Variants in KANSL1 observed in about 807,000 individuals in gnomAD.
KANSL1 encodes the protein MLL1/MLL complex subunit KANSL1.
In KANSL1, 22 loss-of-function variants were observed where a neutral mutation model predicts 103.6. The ratio of observed to expected loss-of-function variants is 0.21; its 90% CI spans 0.15 to 0.30. KANSL1 has a LOEUF of 0.30. Ranked by LOEUF, KANSL1 falls within the 10% of genes least tolerant of loss-of-function variation. KANSL1 has a pLI of 1.00. For missense variants in KANSL1, 1,337 were observed against 1,399.8 expected (o/e 0.96, Z 0.72); for synonymous variants, 600 against 527.6 (o/e 1.14, Z -1.88).
intron 1 of KANSL1, among the ~76,000 whole-genome samples, chr17:46,191,700 AAAAGG>A (rs1465226952): frequency 2.6e-5 from 4 of 152,262 alleles, no homozygotes; most frequent in African/African-American, 4.8e-5. Flanking sequence ...CTCCAAAGCG[AAAAGG>A]AAAGGTTCCT....
chr17:46,135,528 C>T (rs1056388540), intron 2 of KANSL1, among the ~76,000 whole-genome samples: 8 of 148,362 alleles, frequency 5.4e-5, no homozygotes, highest in Non-Finnish European at 1.5e-5. Context: ...AGATTTTTTT[C>T]CCCTCAACTA....
Position 46,192,950 on chromosome 17 carries a change from G to C in KANSL1, c.-217C>G, listed in dbSNP as rs1433055638. On this transcript the variant is annotated 5_prime_UTR_variant, in exon 1 of 15. Coordinates refer to ENST00000432791, the MANE Select transcript of KANSL1 (RefSeq NM_015443.4). ...GGGCGCGCGACGGCGGCTCCGGCCC[G>C]GGCCCGCCGCTCTCCTCCCCCCGAC... 6.6e-6 allele frequency: 1 copy of C among 150,970 alleles called. No homozygotes were observed. Among genetic ancestry groups the C allele is most frequent in the African/African-American group, 2.4e-5 (1 of 41,222 alleles). The allele number at this position is 150,970 out of a possible 1,614,324, so 9.4% of individuals were successfully genotyped here. A position where few individuals can be genotyped will look rare whatever the true frequency, so the allele number is the denominator to read the frequency against.
Position 46,193,347 on chromosome 17 carries a change from T to TGGCGGCGGTGGCGGC in KANSL1, c.-629_-615dup, listed in dbSNP as rs1555588125. ...GTTCTCCCGCCGGCTCGGCGAGCGG[T>TGGCGGCGGTGGCGGC]GGCGGCGGTGGCGGCGGCACTGGGA... On this transcript the variant is annotated 5_prime_UTR_variant, in exon 1 of 15. Coordinates refer to ENST00000432791, the MANE Select transcript of KANSL1 (RefSeq NM_015443.4). 6.7e-5 allele frequency: 8 copies of TGGCGGCGGTGGCGGC among 119,546 alleles called. No homozygotes were observed. The South Asian group carries it at 1.6e-3, about 23-fold the overall frequency. The allele number at this position is 119,546 out of a possible 1,614,324, so 7.4% of individuals were successfully genotyped here.
At chr17:46,123,813 T>C (rs1374920885) in intron 2 of KANSL1, among the ~76,000 whole-genome samples, 2 of 152,232 alleles carry the variant, frequency 1.3e-5, no homozygotes, top group African/African-American at 4.8e-5. Flanking sequence ...CAAGTGCTGA[T>C]GGAGAAGCTG....
rs765371986 is a variant in KANSL1, at chr17:46,038,703, A to C, written c.2393-17T>G. ...GCTTCAACACTGCAGAAGTCAACAG[A>C]AAAGAGAGAAATACATGGCTATCTT... On this transcript the variant is annotated splice_polypyrimidine_tract_variant and intron_variant, in intron 9 of 14. Transcript: ENST00000432791. 23 of 1,613,814 alleles carry C rather than the reference A, an allele frequency of 1.4e-5. No homozygotes were observed. The highest frequency in any genetic ancestry group is 1.3e-4 in the South Asian group (12 of 91,084).
chr17:46,075,870 T>C (rs959627851), intron 4 of KANSL1, among the ~76,000 whole-genome samples: 1 of 152,146 alleles, frequency 6.6e-6, no homozygotes, highest in Non-Finnish European at 1.5e-5. Flanking sequence ...CATTACTCCC[T>C]ACACCATGCT....
At chr17:46,192,311 A>G (rs902733929) in intron 1 of KANSL1, 1 of 91,980 alleles carries the variant, frequency 1.1e-5, no homozygotes, top group East Asian at 2.1e-4. Flanking sequence ...TCTTTAGTTT[A>G]AAAAAAAAAA....
Position 46,170,773 on chromosome 17 carries a change from A to G in KANSL1, c.1289+82T>C, listed in dbSNP as rs1350114357. The G allele has an allele frequency of 2.3e-5, 32 of 1,406,270 alleles. No homozygotes were observed. The Middle Eastern group carries it at 5.6e-4, about 24-fold the overall frequency. The allele number at this position is 1,406,270 out of a possible 1,614,324, so 87.1% of individuals were successfully genotyped here. On this transcript the variant is annotated intron_variant, in intron 2 of 14. Coordinates refer to ENST00000432791, the MANE Select transcript of KANSL1 (RefSeq NM_015443.4). ...TAGACACCTATGTACAAAGAATCAC[A>G]TTCTCTCCATAATGGCGATTCATTC...
At chr17:46,176,333 A>G (rs1280090033) in intron 1 of KANSL1, among the ~76,000 whole-genome samples, 1 of 152,262 alleles carries the variant, frequency 6.6e-6, no homozygotes, top group African/African-American at 2.4e-5. Flanking sequence ...AACTTCTCAA[A>G]GTTATTCTGA....
In KANSL1 at chr17:46,083,757, G is replaced by GA. The variant is rs538128501; in HGVS notation, c.1432-1216dup. 3.3e-5 allele frequency among the ~76,000 whole-genome samples: 5 copies of GA among 152,138 alleles called. No individual in the cohort carries two copies. The South Asian group carries it at 1.0e-3, about 32-fold the overall frequency. On this transcript the variant is annotated intron_variant, in intron 3 of 14. Transcript: ENST00000432791. ...TGGTAAGTCCTAAACTTGTAAAGTT[G>GA]AAAAACACTAGACTTGATTAGTTTG...
intron 1 of KANSL1, among the ~76,000 whole-genome samples, chr17:46,175,933 T>C (rs1406323652): frequency 6.6e-6 from 1 of 152,230 alleles, no homozygotes. Flanking sequence ...GCTGGACCAA[T>C]ATAGTTGTTA....
intron 2 of KANSL1, among the ~76,000 whole-genome samples, chr17:46,144,699 T>C (rs1161126571): frequency 2.0e-5 from 3 of 151,758 alleles, no homozygotes; most frequent in Non-Finnish European, 4.4e-5. Context: ...ATCTGAAAAA[T>C]GTAATGGGAT....
Position 46,172,177 on chromosome 17 carries a change from C to G in KANSL1, c.-34G>C. On this transcript the variant is annotated 5_prime_UTR_variant, in exon 2 of 15. Coordinates refer to ENST00000432791, the MANE Select transcript of KANSL1 (RefSeq NM_015443.4). ...GAGAGACAGGAAGTCCAGCCTCTCCCGATGCCGAGGCCGAGGCCAGCTCCA... is the reference window on the plus strand; with the variant it reads ...GAGAGACAGGAAGTCCAGCCTCTCCGGATGCCGAGGCCGAGGCCAGCTCCA... The G allele has an allele frequency of 6.3e-7, 1 of 1,583,958 alleles. No homozygotes were observed. The highest frequency in any genetic ancestry group is 8.5e-7 in the Non-Finnish European group (1 of 1,170,764).
intron 1 of KANSL1, among the ~76,000 whole-genome samples, chr17:46,212,378 G>A (rs1268854371): frequency 1.3e-5 from 2 of 151,982 alleles, no homozygotes; most frequent in African/African-American, 2.4e-5. Flanking sequence ...GTGCCACCAC[G>A]CCCAGCTAAT....
At chr17:46,154,804 T>C (rs1190047033) in intron 2 of KANSL1, among the ~76,000 whole-genome samples, 6 of 152,166 alleles carry the variant, frequency 3.9e-5, no homozygotes, top group Admixed American at 2.6e-4. Context: ...ATATTATACA[T>C]GGTTTATATG....
intron 1 of KANSL1, among the ~76,000 whole-genome samples, chr17:46,173,140 T>C (rs1201968244): frequency 6.6e-6 from 1 of 152,228 alleles, no homozygotes; most frequent in East Asian, 1.9e-4. Flanking sequence ...TCTAATTCTT[T>C]CCTGATGTCC....
intron 1 of KANSL1, among the ~76,000 whole-genome samples, chr17:46,205,089 C>G (rs2047920296): frequency 1.3e-5 from 2 of 152,264 alleles, no homozygotes; most frequent in South Asian, 4.1e-4. Context: ...CTCTGTTTAA[C>G]ACTGCACTGA....
intron 2 of KANSL1, among the ~76,000 whole-genome samples, chr17:46,145,650 T>C (rs963876287): frequency 3.9e-5 from 6 of 152,230 alleles, no homozygotes; most frequent in Non-Finnish European, 7.3e-5. Context: ...ACAAAACCCC[T>C]TCTGTTATGA....
chr17:46,186,622 A>G (rs967322606), intron 1 of KANSL1, among the ~76,000 whole-genome samples: 1 of 152,204 alleles, frequency 6.6e-6, no homozygotes, highest in Non-Finnish European at 1.5e-5. Flanking sequence ...ATACAGTCCA[A>G]TTTTTTGGAG....
Sources: allele counts gnomAD v4.1 joint callset (sites outside exome capture counted in the v4.1 genomes callset), GRCh38; gene constraint gnomAD v4.1.1; transcripts MANE v1.5; gene names NCBI Gene and HGNC (gene_info 2026-07-23, HGNC 2026-07-21).